Variants in MMP16 observed in about 807,000 individuals in gnomAD.
MMP16 encodes matrix metalloproteinase-16.
A neutral mutation model predicts 67.8 loss-of-function variants in MMP16; 12 were observed. That is an observed-to-expected ratio of 0.18 (90% CI 0.11 to 0.29). MMP16 has a LOEUF of 0.29. Ranked by LOEUF, MMP16 falls within the 10% of genes least tolerant of loss-of-function variation. The pLI, the probability that MMP16 is intolerant of heterozygous loss-of-function variation, is 1.00. For synonymous variants in MMP16, 249 were observed against 255.9 expected, an observed-to-expected ratio of 0.97 and a Z score of 0.26; for missense variants, 475 against 765.7, an observed-to-expected ratio of 0.62 and a Z score of 4.48.
chr8:88,302,946 C>T (rs770080021), intron 1 of MMP16, among the ~76,000 whole-genome samples: 13 of 152,158 alleles, frequency 8.5e-5, no homozygotes, highest in Non-Finnish European at 1.5e-4. Flanking sequence ...CCAAGAGAAG[C>T]GGTGAGTGAT....
At chr8:88,091,456 G>C (rs1362583268) in intron 6 of MMP16, among the ~76,000 whole-genome samples, 2 of 151,722 alleles carry the variant, frequency 1.3e-5, no homozygotes, top group Non-Finnish European at 2.9e-5. Context: ...TCTGGGTATA[G>C]AGTGTTGCAC....
rs912184118 is a variant in MMP16, at chr8:88,314,189, T to G, written c.132+12886A>C. On this transcript the variant is annotated intron_variant, in intron 1 of 9. Transcript: ENST00000286614. Reference sequence around the variant, plus strand: ...ACTAATGTGTAATCTGCTGTTAATTTCAAGTTTATTTTTAATCTCATGTAT... The same window carrying G: ...ACTAATGTGTAATCTGCTGTTAATTGCAAGTTTATTTTTAATCTCATGTAT... 2.6e-5 allele frequency among the ~76,000 whole-genome samples: 4 copies of G among 152,228 alleles called. No individual in the cohort carries two copies. In the East Asian group the frequency reaches 7.7e-4, roughly 29 times the overall value.
rs190204201 is a variant in MMP16 at position 88,137,866 on chromosome 8, A to G, written c.710-19005T>C. ...GGAAGATAGACACTAGTCTCTTTCA[A>G]TTCACATATCTTGTCTTCTATTGTG... On this transcript the variant is annotated intron_variant, in intron 4 of 9. Coordinates refer to ENST00000286614, the MANE Select transcript of MMP16 (RefSeq NM_005941.5). 9.8e-4 allele frequency among the ~76,000 whole-genome samples: 149 copies of G among 152,058 alleles called. 2 individuals are homozygous for G. Among genetic ancestry groups the G allele is most frequent in the African/African-American group, 3.4e-3 (140 of 41,528 alleles).
Position 88,032,542 on chromosome 8 carries a change from AAC to A in MMP16, c.*8917_*8918del, listed in dbSNP as rs1157618693. ...AATAAAAGACAACTTGTGAATAATA[AAC>A]ACTGTTCAATGCACTGATCAATAAA... is the stretch of plus-strand genomic sequence containing the variant. On this transcript the variant is annotated 3_prime_UTR_variant, in exon 10 of 10. Coordinates refer to ENST00000286614, the MANE Select transcript of MMP16 (RefSeq NM_005941.5). 2.2e-4 allele frequency: 33 copies of A among 152,294 alleles called. 1 individual carries two copies. Among genetic ancestry groups the A allele is most frequent in the Admixed American group, 2.0e-3 (30 of 15,290 alleles). The allele number at this position is 152,294 out of a possible 1,614,324, so 9.4% of individuals were successfully genotyped here.
chr8:88,162,738 G>T (rs944975133), intron 4 of MMP16, among the ~76,000 whole-genome samples: 1 of 151,948 alleles, frequency 6.6e-6, no homozygotes, highest in East Asian at 1.9e-4. Context: ...AACGAGATCT[G>T]GTTGTTGAAA....
intron 9 of MMP16, among the ~76,000 whole-genome samples, chr8:88,042,429 AC>A (rs1471078892): frequency 6.6e-6 from 1 of 152,128 alleles, no homozygotes; most frequent in African/African-American, 2.4e-5. Flanking sequence ...ACAAGTAAAG[AC>A]GTATTCATAG....
chr8:88,214,083 CAAT>C (rs1443672035), intron 1 of MMP16, among the ~76,000 whole-genome samples: 1 of 152,100 alleles, frequency 6.6e-6, no homozygotes, highest in Non-Finnish European at 1.5e-5. Context: ...GCAACAACAA[CAAT>C]AATGTCTCCA....
intron 1 of MMP16, among the ~76,000 whole-genome samples, chr8:88,274,871 AAAAAG>A (rs1300725314): frequency 3.9e-5 from 6 of 152,060 alleles, no homozygotes; most frequent in Admixed American, 3.9e-4. Context: ...AACAAACCTG[AAAAAG>A]AAAAGTTCAA....
chr8:88,157,144 G>A lies in MMP16; in HGVS notation c.709+10525C>T, dbSNP rs117708709. On this transcript the variant is annotated intron_variant, in intron 4 of 9. Transcript: ENST00000286614. ...TTGGCCCTCCCTATCCATGGCTTTT[G>A]CATCTATGCAGTCAATCAACCATGG... Among the ~76,000 whole-genome samples the A allele has an allele frequency of 7.8e-3, 1,194 of 152,118 alleles. 17 individuals carry two copies. Among genetic ancestry groups the A allele is most frequent in the Middle Eastern group, 0.075 (22 of 294 alleles).
chr8:88,217,127 G>C (rs142702854), intron 1 of MMP16, among the ~76,000 whole-genome samples: 3 of 151,980 alleles, frequency 2.0e-5, no homozygotes, highest in African/African-American at 7.2e-5. Context: ...CTGGCATTTT[G>C]ACAAAACAAG....
At chr8:88,057,868 G>A (rs1294333314) in intron 7 of MMP16, among the ~76,000 whole-genome samples, 1 of 151,990 alleles carries the variant, frequency 6.6e-6, no homozygotes, top group Non-Finnish European at 1.5e-5. Flanking sequence ...AAACCTGATC[G>A]CTACCCTGAT....
intron 1 of MMP16, among the ~76,000 whole-genome samples, chr8:88,267,755 A>T (rs1380429836): frequency 6.6e-6 from 1 of 152,222 alleles, no homozygotes; most frequent in Non-Finnish European, 1.5e-5. Flanking sequence ...AGCATAGTCA[A>T]ATTTGAGTAT....
intron 1 of MMP16, among the ~76,000 whole-genome samples, chr8:88,258,340 A>G (rs28904586): frequency 1.2e-3 from 190 of 152,318 alleles, no homozygotes; most frequent in Admixed American, 8.9e-3. Flanking sequence ...ATCAGTGGCT[A>G]AAATAGGCTT....
chr8:88,196,646 C>T (rs898812876), intron 2 of MMP16, among the ~76,000 whole-genome samples: 3 of 152,034 alleles, frequency 2.0e-5, no homozygotes, highest in East Asian at 1.9e-4. Context: ...GATTTAGAAC[C>T]GTCAGCAGTG....
At chr8:88,313,796 T>C (rs1811335893) in intron 1 of MMP16, among the ~76,000 whole-genome samples, 7 of 152,038 alleles carry the variant, frequency 4.6e-5, no homozygotes, top group Admixed American at 3.9e-4. Flanking sequence ...ACATTCACGG[T>C]GGAAGGCAAG....
intron 4 of MMP16, among the ~76,000 whole-genome samples, chr8:88,161,603 G>A (rs1200557160): frequency 2.0e-5 from 3 of 151,948 alleles, no homozygotes; most frequent in African/African-American, 7.3e-5. Context: ...GCTTTTGAAT[G>A]TGTTTGCTCT....
intron 4 of MMP16, among the ~76,000 whole-genome samples, chr8:88,154,822 C>T (rs1360456977): frequency 1.4e-5 from 2 of 145,674 alleles, no homozygotes; most frequent in African/African-American, 5.2e-5. Flanking sequence ...ACATATGTAA[C>T]TAACCTGCAC....
chr8:88,323,221 C>T (rs1811486941), intron 1 of MMP16, among the ~76,000 whole-genome samples: 1 of 152,116 alleles, frequency 6.6e-6, no homozygotes, highest in African/African-American at 2.4e-5. Flanking sequence ...AGTGTCCCAA[C>T]ATAAGAATGT....
intron 1 of MMP16, among the ~76,000 whole-genome samples, chr8:88,283,492 G>A (rs556606044): frequency 2.0e-5 from 3 of 152,190 alleles, no homozygotes; most frequent in Admixed American, 6.5e-5. Flanking sequence ...TGACACGATA[G>A]GCATAATGTG....
Sources: allele counts gnomAD v4.1 joint callset (sites outside exome capture counted in the v4.1 genomes callset), GRCh38; gene constraint gnomAD v4.1.1; transcripts MANE v1.5; gene names NCBI Gene and HGNC (gene_info 2026-07-23, HGNC 2026-07-21).